NME6: variants seen among roughly 807,000 people sequenced by gnomAD.
The protein encoded by NME6 is NME/NM23 nucleoside diphosphate kinase 6, also known as nucleoside diphosphate kinase 6, mitochondrial.
In NME6, 16 loss-of-function variants were observed where a neutral mutation model predicts 22.2. That is an observed-to-expected ratio of 0.72 (90% CI 0.49 to 1.09). The LOEUF is 1.09. Ranked by LOEUF, NME6 falls within the 50% of genes least tolerant of loss-of-function variation. The probability of loss-of-function intolerance (pLI) is 0.00; values close to 1 mark genes in which losing one functional copy is unlikely to be tolerated. For missense variants in NME6, 229 were observed against 239.0 expected (o/e 0.96, Z 0.28); for synonymous variants, 58 against 85.2 (o/e 0.68, Z 1.76).
downstream of NME6, among the ~76,000 whole-genome samples, chr3:48,290,034 G>A (rs2034347446): frequency 6.6e-6 from 1 of 151,606 alleles, no homozygotes; most frequent in African/African-American, 2.4e-5. Context: ...AGAAATGTAA[G>A]AAGAGTAAAC....
At chr3:48,296,298 G>T in intron 3 of NME6, 140 bp from the exon 4 acceptor site, 1 of 1,216,006 alleles carries the variant, frequency 8.2e-7, no homozygotes, top group Non-Finnish European at 1.2e-6. Context: ...ACAAACCTGG[G>T]TCTGAATCCA....
intron 1 of NME6, chr3:48,299,222 A>G: frequency 2.1e-6 from 1 of 465,262 alleles, no homozygotes. Context: ...GATCAATTTT[A>G]TTTACTAAAT....
chr3:48,290,990 T>C, downstream of NME6: 1 of 289,624 alleles, frequency 3.5e-6, no homozygotes, highest in South Asian at 3.8e-5. Flanking sequence ...CGTGGTAATT[T>C]GGTAATCGTT....
rs140655741 is a variant in NME6 at position 48,294,727 on chromosome 3, T to A, written c.471A>T (p.Glu157Asp). Residue 157 changes from glutamate to aspartate, a missense_variant, in exon 6 of 6, where the codon GAA becomes GAT. Physicochemically the swap from Glu to Asp is conservative, Grantham distance 45. Coordinates refer to ENST00000442597, the MANE Select transcript of NME6 (RefSeq NM_001308426.2). ...CAGGGCCACAGCGCAACTGGGGCTCTTCCTCCTCATACCAGCGCTGTTCAC... is the reference window on the plus strand; with the variant it reads ...CAGGGCCACAGCGCAACTGGGGCTCATCCTCCTCATACCAGCGCTGTTCAC... ...DFSEQRWYEE[E>D]EPQLRCGPVC... is the part of the protein sequence containing the mutation. 2.3e-4 allele frequency: 377 copies of A among 1,614,042 alleles called. No homozygotes were observed. The highest frequency in any genetic ancestry group is 3.0e-4 in the Non-Finnish European group (359 of 1,180,032).
chr3:48,293,502 G>A lies in NME6; in HGVS notation c.*1135C>T, dbSNP rs1283016020. The A allele has an allele frequency of 6.6e-6, 1 of 152,178 alleles. No individual in the cohort carries two copies. The highest frequency in any genetic ancestry group is 2.4e-5 in the African/African-American group (1 of 41,448). 9.4% of individuals were successfully genotyped at this position (152,178 alleles called of 1,614,324 possible). ...ACCCATATATTCCTGAAAATGAACA[G>A]ACTGTCTAGTGCCCCAGACCCCTGC... On this transcript the variant is annotated 3_prime_UTR_variant, in exon 6 of 6. Coordinates refer to ENST00000442597, the MANE Select transcript of NME6 (RefSeq NM_001308426.2).
intron 1 of NME6, 134 bp from the exon 2 acceptor site, chr3:48,298,657 T>C: frequency 1.6e-6 from 1 of 633,874 alleles, no homozygotes. Flanking sequence ...CAGTTTCATC[T>C]TAAGGCCATA....
downstream of NME6, chr3:48,288,525 C>T (rs182355827): frequency 4.6e-5 from 7 of 152,162 alleles, no homozygotes; most frequent in Admixed American, 4.6e-4. Flanking sequence ...AGAAAACAGC[C>T]TTTGCACTAA....
chr3:48,291,349 C>A, downstream of NME6: 1 of 473,772 alleles, frequency 2.1e-6, no homozygotes, highest in East Asian at 6.9e-5. Flanking sequence ...TGGTCGCAGA[C>A]TTCCTTGTTT....
downstream of NME6, among the ~76,000 whole-genome samples, chr3:48,289,310 C>T (rs1417362824): frequency 1.3e-5 from 2 of 152,128 alleles, no homozygotes; most frequent in African/African-American, 2.4e-5. Flanking sequence ...GTGATCTGCC[C>T]TGCCCACCTC....
At chr3:48,295,856 C>T (rs2035036070) in intron 4 of NME6, 2 of 506,674 alleles carry the variant, frequency 3.9e-6, no homozygotes, top group Admixed American at 3.4e-5. Flanking sequence ...GCTGGGATTA[C>T]AGGCACCTGC....
At chr3:48,289,283 C>CG (rs540154540), downstream of NME6, among the ~76,000 whole-genome samples, 46 of 152,206 alleles carry the variant, frequency 3.0e-4, no homozygotes, top group Middle Eastern at 0.01. Flanking sequence ...AGGCTGGTCT[C>CG]GAACTCCCGA....
chr3:48,297,535 C>CTA (rs2035243528), intron 2 of NME6: 1 of 152,396 alleles, frequency 6.6e-6, no homozygotes, highest in South Asian at 2.1e-4. Context: ...AACTATGGTA[C>CTA]ACAGAATGTG....
rs922757164 is a variant in NME6, at chr3:48,298,439, T to C, written c.78A>G (p.Pro26=). The C allele has an allele frequency of 3.1e-6, 5 of 1,613,944 alleles. No individual in the cohort carries two copies. Among genetic ancestry groups the C allele is most frequent in the Non-Finnish European group, 4.2e-6 (5 of 1,179,928 alleles). Residue 26 remains proline (P), a synonymous_variant, in exon 2 of 6, where the codon CCA becomes CCG. Coordinates refer to ENST00000442597, the MANE Select transcript of NME6 (RefSeq NM_001308426.2). The part of the protein sequence containing the change: ...ALIKPDAVAH[P]LILEAVHQQI... Reference sequence around the variant, plus strand: ...GATTCATTCTTACCTCCAGAATCAGTGGATGGGCGACTGCGTCAGGCTTGA... The same window carrying C: ...GATTCATTCTTACCTCCAGAATCAGCGGATGGGCGACTGCGTCAGGCTTGA...
At chr3:48,299,955 C>T (rs1351156914) in intron 1 of NME6, among the ~76,000 whole-genome samples, 1 of 152,160 alleles carries the variant, frequency 6.6e-6, no homozygotes, top group Admixed American at 6.5e-5. Context: ...CATATCCACA[C>T]GATCACCAAC....
chr3:48,300,979 C>A (rs2035633741), intron 1 of NME6, among the ~76,000 whole-genome samples: 1 of 152,078 alleles, frequency 6.6e-6, no homozygotes, highest in African/African-American at 2.4e-5. Flanking sequence ...ACTCTGGAGG[C>A]GGAGGCTGCA....
Position 48,294,607 on chromosome 3 carries a change from G to C in NME6, c.*30C>G, listed in dbSNP as rs990476132. ...AGACTAGATGTCTAGGAGAAGTCTG[G>C]GCACTACCACTGGTCTTCATAGACC... On this transcript the variant is annotated 3_prime_UTR_variant, in exon 6 of 6. Coordinates refer to ENST00000442597, the MANE Select transcript of NME6 (RefSeq NM_001308426.2). 2 of 1,607,472 alleles carry C rather than the reference G, an allele frequency of 1.2e-6. No homozygotes were observed. Among genetic ancestry groups the C allele is most frequent in the Non-Finnish European group, 1.7e-6 (2 of 1,175,178 alleles).
At chr3:48,289,916 G>A (rs984771023), downstream of NME6, among the ~76,000 whole-genome samples, 2 of 152,140 alleles carry the variant, frequency 1.3e-5, no homozygotes, top group African/African-American at 4.8e-5. Context: ...TATATGAAGT[G>A]ACTTCTAGAT....
At chr3:48,287,707 T>A (rs1165732984), downstream of NME6, 8 of 151,876 alleles carry the variant, frequency 5.3e-5, no homozygotes, top group East Asian at 1.5e-3. Context: ...CTTGAGTAGG[T>A]GGGAGGAGAC....
intron 2 of NME6, chr3:48,298,115 T>G (rs886766536): frequency 2.2e-5 from 8 of 371,174 alleles, no homozygotes; most frequent in African/African-American, 4.3e-5. Context: ...TACTGAACTG[T>G]GAAATAACAA....
Sources: allele counts gnomAD v4.1 joint callset (sites outside exome capture counted in the v4.1 genomes callset), GRCh38; gene constraint gnomAD v4.1.1; transcripts MANE v1.5; gene names NCBI Gene and HGNC (gene_info 2026-07-23, HGNC 2026-07-21).